The following MALRD1 variants were observed in gnomAD, a reference collection of about 807,000 sequenced individuals.
The protein encoded by MALRD1 is MAM and LDL receptor class A domain containing 1.
MALRD1 carries 247 observed loss-of-function variants against 242.1 expected under a neutral mutation model. The observed-to-expected ratio is 1.02, with a 90% CI of 0.92 to 1.13. The LOEUF is 1.13. Among genes scored for constraint, MALRD1 ranks in the 50% most tolerant of loss-of-function variants. MALRD1 has a pLI of 0.00. For missense variants in MALRD1, 2,989 were observed against 2,533.1 expected, an observed-to-expected ratio of 1.18 and a Z score of -3.86; for synonymous variants, 995 against 866.6, an observed-to-expected ratio of 1.15 and a Z score of -2.60.
intron 5 of MALRD1, among the ~76,000 whole-genome samples, chr10:19,119,043 G>A (rs879937024): frequency 5.9e-5 from 9 of 152,176 alleles, no homozygotes; most frequent in Non-Finnish European, 1.2e-4. Flanking sequence ...CTGAGCCAGA[G>A]TTGGTAGTAG....
chr10:19,252,996 A>G (rs1449774645), intron 18 of MALRD1, among the ~76,000 whole-genome samples: 1 of 152,016 alleles, frequency 6.6e-6, no homozygotes, highest in Non-Finnish European at 1.5e-5. Context: ...AAAGCTCCCA[A>G]GAATTGTAGG....
intron 36 of MALRD1, among the ~76,000 whole-genome samples, chr10:19,637,962 G>A (rs531685242): frequency 6.6e-6 from 1 of 151,900 alleles, no homozygotes; most frequent in East Asian, 1.9e-4. Context: ...TTAGCCAGGT[G>A]TGGTGGCAGG....
rs1228091319 is a variant in MALRD1, at chr10:19,352,236, A to C, written c.4380A>C (p.Thr1460=). 4.5e-6 allele frequency: 7 copies of C among 1,550,338 alleles called. No individual in the cohort carries two copies. The highest frequency in any genetic ancestry group is 8.7e-7 in the Non-Finnish European group (1 of 1,146,898). ...TTGCACTTGATGACATTGTGCTTAC[A>C]GAAAATTGTCTATCACTCCATGATT... The part of the protein sequence containing the change: ...GDIALDDIVL[T]ENCLSLHDSV... Residue 1460 remains threonine (T), a synonymous_variant, in exon 26 of 40, where the codon ACA becomes ACC. Transcript: ENST00000454679.
Position 19,316,520 on chromosome 10 carries a change from T to C in MALRD1, c.3420-7429T>C, listed in dbSNP as rs950657668. ...ATTCTAAAATCCCACACCAGAACTC[T>C]GATTGGTCTGACATGTTTACGAAGC... On this transcript the variant is annotated intron_variant, in intron 21 of 39. Coordinates refer to ENST00000454679, the MANE Select transcript of MALRD1 (RefSeq NM_001142308.3). Among the ~76,000 whole-genome samples, 9 of 152,046 alleles carry C rather than the reference T, an allele frequency of 5.9e-5. No individual in the cohort carries two copies. In the Admixed American group the frequency reaches 5.9e-4, roughly 10 times the overall value.
intron 19 of MALRD1, among the ~76,000 whole-genome samples, chr10:19,268,722 CTTAA>C (rs1356970437): frequency 6.6e-6 from 1 of 152,022 alleles, no homozygotes; most frequent in African/African-American, 2.4e-5. Context: ...GTTTTATTTG[CTTAA>C]TTATCAATGT....
chr10:19,290,553 G>A (rs1312771550), intron 21 of MALRD1: 1 of 152,088 alleles, frequency 6.6e-6, no homozygotes, highest in Non-Finnish European at 1.5e-5. Context: ...GATTGGGGTT[G>A]AATAAGATTT....
intron 33 of MALRD1, among the ~76,000 whole-genome samples, chr10:19,584,074 C>T (rs994486293): frequency 3.3e-5 from 5 of 149,968 alleles, no homozygotes; most frequent in African/African-American, 1.2e-4. Flanking sequence ...GGTGATATCC[C>T]CTTTATCATT....
Position 19,088,194 on chromosome 10 carries a change from G to A in MALRD1, c.597+9G>A, listed in dbSNP as rs117108281. ...GTTCACAGAGATTTCAGGTATGTGT[G>A]TTCTATTTTCTAACTATGGCCTTGA... On this transcript the variant is annotated intron_variant, in intron 4 of 39. Coordinates refer to ENST00000454679, the MANE Select transcript of MALRD1 (RefSeq NM_001142308.3). The A allele has an allele frequency of 3.6e-3, 4,405 of 1,232,974 alleles. 10 individuals are homozygous for A. Among genetic ancestry groups the A allele is most frequent in the Middle Eastern group, 5.6e-3 (27 of 4,832 alleles). The allele number at this position is 1,232,974 out of a possible 1,614,324, so 76.4% of individuals were successfully genotyped here. A position where few individuals can be genotyped will look rare whatever the true frequency, so the allele number is the denominator to read the frequency against.
chr10:19,066,558 T>C (rs1834986200), intron 1 of MALRD1, among the ~76,000 whole-genome samples, 161 bp from the exon 2 acceptor site: 1 of 152,238 alleles, frequency 6.6e-6, no homozygotes, highest in South Asian at 2.1e-4. Flanking sequence ...ATATTGGATG[T>C]ATAAAAAGCT....
intron 32 of MALRD1, among the ~76,000 whole-genome samples, chr10:19,537,201 A>G (rs959627243): frequency 6.6e-6 from 1 of 152,204 alleles, no homozygotes; most frequent in African/African-American, 2.4e-5. Context: ...ATCGGAGAGT[A>G]TTAACATGAA....
intron 36 of MALRD1, among the ~76,000 whole-genome samples, chr10:19,665,942 G>A (rs1202526424): frequency 2.6e-5 from 4 of 151,446 alleles, no homozygotes; most frequent in Non-Finnish European, 5.9e-5. Flanking sequence ...CTGGAGGACA[G>A]TGCTTTCGCT....
intron 38 of MALRD1, among the ~76,000 whole-genome samples, chr10:19,704,916 G>T (rs1833792104): frequency 1.3e-5 from 2 of 152,136 alleles, no homozygotes; most frequent in East Asian, 3.9e-4. Context: ...GGAGAACGAG[G>T]CAGGCAGGTG....
chr10:19,643,175 T>TA (rs1411388289), intron 36 of MALRD1, among the ~76,000 whole-genome samples: 1 of 152,142 alleles, frequency 6.6e-6, no homozygotes. Flanking sequence ...CTCACGCCTG[T>TA]AATCCCAGCA....
At chr10:19,424,347 A>G (rs1833825044) in intron 28 of MALRD1, among the ~76,000 whole-genome samples, 1 of 152,060 alleles carries the variant, frequency 6.6e-6, no homozygotes, top group African/African-American at 2.4e-5. Flanking sequence ...TTTAGTAGAG[A>G]TGGGGTTTCG....
rs574873033 is a variant in MALRD1 at position 19,277,265 on chromosome 10, A to G, written c.3080-2782A>G. On this transcript the variant is annotated intron_variant, in intron 19 of 39. Coordinates refer to ENST00000454679, the MANE Select transcript of MALRD1 (RefSeq NM_001142308.3). ...ATCCCTAAAAACTGACTCCTCTTCT[A>G]TATTTTATATATCTGATCTTGGGGA... Among the ~76,000 whole-genome samples, 4 of 152,228 alleles carry G rather than the reference A, an allele frequency of 2.6e-5. No homozygotes were observed. In the South Asian group the frequency reaches 8.3e-4, roughly 32 times the overall value.
At chr10:19,183,567 A>T (rs1198107202) in intron 14 of MALRD1, among the ~76,000 whole-genome samples, 1 of 152,160 alleles carries the variant, frequency 6.6e-6, no homozygotes, top group Non-Finnish European at 1.5e-5. Context: ...TCACTTTCAC[A>T]ACCATCTTTA....
At chr10:19,345,386 A>G (rs1844071218) in intron 24 of MALRD1, among the ~76,000 whole-genome samples, 1 of 152,106 alleles carries the variant, frequency 6.6e-6, no homozygotes, top group Non-Finnish European at 1.5e-5. Flanking sequence ...CAACTGAATT[A>G]TTTTATTCAT....
At chr10:19,348,985 A>G (rs905938054) in intron 25 of MALRD1, among the ~76,000 whole-genome samples, 2 of 151,964 alleles carry the variant, frequency 1.3e-5, no homozygotes, top group Non-Finnish European at 2.9e-5. Context: ...CTTCCCTTCA[A>G]CAGTCTCACT....
chr10:19,203,717 T>C lies in MALRD1; in HGVS notation c.1952-11T>C, dbSNP rs1836655515. On this transcript the variant is annotated splice_polypyrimidine_tract_variant and intron_variant, in intron 14 of 39. Coordinates refer to ENST00000454679, the MANE Select transcript of MALRD1 (RefSeq NM_001142308.3). ...GAGAGCCAACATAAGAGCCACATTT[T>C]TGTTCTTCAGTTTCCAAGTGTGACT... 6.6e-7 allele frequency: 1 copy of C among 1,518,302 alleles called. No individual in the cohort carries two copies. The highest frequency in any genetic ancestry group is 8.9e-7 in the Non-Finnish European group (1 of 1,128,150). 94.1% of individuals were successfully genotyped at this position (1,518,302 alleles called of 1,614,324 possible). A position where few individuals can be genotyped will look rare whatever the true frequency, so the allele number is the denominator to read the frequency against.
Sources: gnomAD v4.1 joint callset for allele counts (sites outside exome capture counted in the v4.1 genomes callset) on GRCh38, gnomAD v4.1.1 for gene constraint, MANE v1.5 for transcripts, NCBI Gene and HGNC (gene_info 2026-07-23, HGNC 2026-07-21) for gene names.